SLC6A3: variants seen among roughly 807,000 people sequenced by gnomAD.
The protein encoded by SLC6A3 is solute carrier family 6 member 3.
A neutral mutation model predicts 70.4 loss-of-function variants in SLC6A3; 19 were observed. The ratio of observed to expected loss-of-function variants is 0.27; its 90% CI spans 0.19 to 0.40. The LOEUF (loss-of-function observed/expected upper bound fraction) is 0.40, where lower values mean the gene tolerates loss of function less well. SLC6A3 is among the 10% of genes least tolerant of loss of function. The probability of loss-of-function intolerance (pLI) is 1.00; values close to 1 mark genes in which losing one functional copy is unlikely to be tolerated. For missense variants in SLC6A3, 613 were observed against 838.5 expected (o/e 0.73, Z 3.32); for synonymous variants, 368 against 356.6 (o/e 1.03, Z -0.36).
intron 6 of SLC6A3, among the ~76,000 whole-genome samples, chr5:1,416,912 TG>T (rs1756310765): frequency 6.6e-6 from 1 of 151,778 alleles, no homozygotes; most frequent in Admixed American, 6.6e-5. Context: ...TTCATCCACA[TG>T]CTGCATAATG....
chr5:1,401,216 C>A lies in SLC6A3; in HGVS notation c.1768-230G>T. On this transcript the variant is annotated intron_variant, in intron 13 of 14. Transcript: ENST00000270349. The surrounding 1 kb of genome is among the most constrained non-coding windows in gnomAD (Gnocchi z 6.1). ...GTCAGGCCCGAAGCCAACATCCTGA[C>A]GGTCCCCTTAAAGTCTAGCGCAGAG... 1 of 695,500 alleles carries A rather than the reference C, an allele frequency of 1.4e-6. No homozygotes were observed. Among genetic ancestry groups the A allele is most frequent in the South Asian group, 1.5e-5 (1 of 66,684 alleles). 43.1% of individuals were successfully genotyped at this position (695,500 alleles called of 1,614,324 possible).
intron 6 of SLC6A3, among the ~76,000 whole-genome samples, chr5:1,416,919 T>G (rs1251666397): frequency 6.6e-6 from 1 of 152,156 alleles, no homozygotes; most frequent in East Asian, 1.9e-4. Flanking sequence ...ACATGCTGCA[T>G]AATGGTGGCA....
chr5:1,430,461 G>A (rs1756669618), intron 4 of SLC6A3, among the ~76,000 whole-genome samples: 1 of 152,176 alleles, frequency 6.6e-6, no homozygotes, highest in South Asian at 2.1e-4. Flanking sequence ...AAGCACTTGG[G>A]TTCTGAATAT....
intron 8 of SLC6A3, among the ~76,000 whole-genome samples, chr5:1,414,368 C>G (rs540532680): frequency 1.5e-5 from 2 of 130,270 alleles, no homozygotes; most frequent in African/African-American, 5.5e-5. Flanking sequence ...GTGGAGGCCC[C>G]GAGAGGCACA....
chr5:1,404,594 G>A lies in SLC6A3; in HGVS notation c.1600-1505C>T, dbSNP rs139082160. ...CACAGAGTCATCTGAACGAGACTGG[G>A]GCGTGTACACCCCTTACGACCAGAG... On this transcript the variant is annotated intron_variant, in intron 12 of 14. Transcript: ENST00000270349. The surrounding 1 kb of genome is among the most constrained non-coding windows in gnomAD (Gnocchi z 5.2). 1.9e-4 allele frequency among the ~76,000 whole-genome samples: 29 copies of A among 152,332 alleles called. No individual in the cohort carries two copies. The East Asian group carries it at 5.4e-3, about 28-fold the overall frequency.
At chr5:1,418,392 TATCA>T (rs1216891369) in intron 6 of SLC6A3, among the ~76,000 whole-genome samples, 4 of 152,226 alleles carry the variant, frequency 2.6e-5, no homozygotes, top group South Asian at 2.1e-4. Flanking sequence ...ATCTATTATC[TATCA>T]ATCAATCATC....
rs369951316 is a variant in SLC6A3, at chr5:1,443,227, C to T, written c.-30G>A. On this transcript the variant is annotated 5_prime_UTR_variant, in exon 2 of 15. Transcript: ENST00000270349. ...ACACTGGGAGTTGAGGAATTCTGTG[C>T]TTCTTCCCTCTTGGTCTTCAGCCAA... The T allele has an allele frequency of 1.9e-6, 3 of 1,611,544 alleles. No individual in the cohort carries two copies. In the African/African-American group the frequency reaches 4.0e-5, roughly 22 times the overall value.
Position 1,404,613 on chromosome 5 carries a change from A to G in SLC6A3, c.1600-1524T>C, listed in dbSNP as rs768105289. On this transcript the variant is annotated intron_variant, in intron 12 of 14. Transcript: ENST00000270349. This position sits in a 1 kb window ranked among gnomAD's most constrained non-coding sequence, Gnocchi z 5.2. ...GACTGGGGCGTGTACACCCCTTACG[A>G]CCAGAGGTTAGCACACGCCAGAGGG... 1.3e-5 allele frequency among the ~76,000 whole-genome samples: 2 copies of G among 152,158 alleles called. No individual in the cohort carries two copies. Among genetic ancestry groups the G allele is most frequent in the Non-Finnish European group, 2.9e-5 (2 of 68,030 alleles).
intron 6 of SLC6A3, among the ~76,000 whole-genome samples, chr5:1,419,451 G>C (rs1756385139): frequency 6.6e-6 from 1 of 152,196 alleles, no homozygotes; most frequent in Admixed American, 6.5e-5. Flanking sequence ...ACATGCACTG[G>C]TGTTTGTTTT....
At chr5:1,395,941 G>C (rs921312737) in intron 14 of SLC6A3, among the ~76,000 whole-genome samples, 6 of 152,178 alleles carry the variant, frequency 3.9e-5, no homozygotes, top group Admixed American at 3.3e-4. Flanking sequence ...AGAAACAGAA[G>C]ACAGCAGCCC....
chr5:1,396,364 T>G lies in SLC6A3; in HGVS notation c.1840-1606A>C, dbSNP rs1755719203. On this transcript the variant is annotated intron_variant, in intron 14 of 14. Coordinates refer to ENST00000270349, the MANE Select transcript of SLC6A3 (RefSeq NM_001044.5). The surrounding 1 kb of genome is among the most constrained non-coding windows in gnomAD (Gnocchi z 7.0). ...CACGTGCCGATGACCTTCCAGACCA[T>G]GGACACCAGACCGTAAGGGTCAGTG... 6.6e-6 allele frequency among the ~76,000 whole-genome samples: 1 copy of G among 152,166 alleles called. No individual in the cohort carries two copies. The highest frequency in any genetic ancestry group is 2.4e-5 in the African/African-American group (1 of 41,442).
rs115979692 is a variant in SLC6A3, at chr5:1,440,856, T to C, written c.418+503A>G. 6.9e-3 allele frequency among the ~76,000 whole-genome samples: 1,052 copies of C among 152,270 alleles called. 8 individuals carry two copies. Among genetic ancestry groups the C allele is most frequent in the South Asian group, 0.048 (229 of 4,816 alleles). On this transcript the variant is annotated intron_variant, in intron 3 of 14. Transcript: ENST00000270349. ...TCCAGCCTCCAGAGCTGTGAGACAA[T>C]AAACGTGTGCCTTTTAAGCCTCCCA...
Position 1,438,319 on chromosome 5 carries a change from G to A in SLC6A3, c.418+3040C>T, listed in dbSNP as rs545803738. On this transcript the variant is annotated intron_variant, in intron 3 of 14. Coordinates refer to ENST00000270349, the MANE Select transcript of SLC6A3 (RefSeq NM_001044.5). This position sits in a 1 kb window ranked among gnomAD's most constrained non-coding sequence, Gnocchi z 6.5. ...CTCCTCTGGGACTAGTCTTCAGAAC[G>A]AAGCTGGCGGCATGGAATGCGGGAT... Among the ~76,000 whole-genome samples the A allele has an allele frequency of 1.2e-4, 19 of 152,360 alleles. No individual in the cohort carries two copies. The South Asian group carries it at 1.7e-3, about 13-fold the overall frequency.
rs967138147 is a variant in SLC6A3 at position 1,413,850 on chromosome 5, C to T, written c.1156+841G>A. On this transcript the variant is annotated intron_variant, in intron 8 of 14. Transcript: ENST00000270349. This position sits in a 1 kb window ranked among gnomAD's most constrained non-coding sequence, Gnocchi z 7.1. ...CCACTGCAAGCACCGGAGCCAGGCACGTGGCCCCAAGTGCCTGGGCCCACT... is the reference window on the plus strand; with the variant it reads ...CCACTGCAAGCACCGGAGCCAGGCATGTGGCCCCAAGTGCCTGGGCCCACT... Among the ~76,000 whole-genome samples, 9 of 152,154 alleles carry T rather than the reference C, an allele frequency of 5.9e-5. No individual in the cohort carries two copies. Among genetic ancestry groups the T allele is most frequent in the Middle Eastern group, 3.2e-3 (1 of 316 alleles).
chr5:1,431,753 C>T (rs1756711909), intron 4 of SLC6A3, among the ~76,000 whole-genome samples: 1 of 151,996 alleles, frequency 6.6e-6, no homozygotes, highest in Non-Finnish European at 1.5e-5. Flanking sequence ...GAGGAACTGG[C>T]CTGGCTGGGG....
rs943494978 is a variant in SLC6A3 at position 1,437,952 on chromosome 5, T to C, written c.418+3407A>G. 1.1e-4 allele frequency among the ~76,000 whole-genome samples: 16 copies of C among 152,228 alleles called. No homozygotes were observed. The highest frequency in any genetic ancestry group is 1.9e-4 in the Non-Finnish European group (13 of 68,042). On this transcript the variant is annotated intron_variant, in intron 3 of 14. Transcript: ENST00000270349. This position sits in a 1 kb window ranked among gnomAD's most constrained non-coding sequence, Gnocchi z 4.8. Reference sequence around the variant, plus strand: ...GATTTTTAAAAAGGACAAAGGCACATGTATCAGGGTGCCGGGGGTGCATGG... The same window carrying C: ...GATTTTTAAAAAGGACAAAGGCACACGTATCAGGGTGCCGGGGGTGCATGG...
chr5:1,439,088 A>G (rs921811761), intron 3 of SLC6A3, among the ~76,000 whole-genome samples: 3 of 152,238 alleles, frequency 2.0e-5, no homozygotes, highest in Non-Finnish European at 4.4e-5. Flanking sequence ...GGTTCACTGC[A>G]ACGCCGGATT....
rs919111223 is a variant in SLC6A3, at chr5:1,413,219, C to T, written c.1156+1472G>A. ...TGAAGAAAAGGCATAAATGCGGCAC[C>T]GAGTAAATTTCACTGCTCTGCATTT... On this transcript the variant is annotated intron_variant, in intron 8 of 14. Coordinates refer to ENST00000270349, the MANE Select transcript of SLC6A3 (RefSeq NM_001044.5). This position sits in a 1 kb window ranked among gnomAD's most constrained non-coding sequence, Gnocchi z 7.1. 4.6e-5 allele frequency among the ~76,000 whole-genome samples: 7 copies of T among 152,156 alleles called. No individual in the cohort carries two copies. The highest frequency in any genetic ancestry group is 1.9e-4 in the East Asian group (1 of 5,194).
rs963005585 is a variant in SLC6A3, at chr5:1,436,259, C to G, written c.419-3561G>C. On this transcript the variant is annotated intron_variant, in intron 3 of 14. Coordinates refer to ENST00000270349, the MANE Select transcript of SLC6A3 (RefSeq NM_001044.5). This position sits in a 1 kb window ranked among gnomAD's most constrained non-coding sequence, Gnocchi z 5.2. The stretch of plus-strand genomic sequence containing the variant: ...TTCACCACGAGCTCCTCAAGCTCAC[C>G]GAAGGCCCAGACGCAGGAAACCCAC... Among the ~76,000 whole-genome samples, 3 of 152,252 alleles carry G rather than the reference C, an allele frequency of 2.0e-5. No homozygotes were observed. Among genetic ancestry groups the G allele is most frequent in the Non-Finnish European group, 4.4e-5 (3 of 68,036 alleles).
Sources: gnomAD v4.1 joint callset for allele counts (sites outside exome capture counted in the v4.1 genomes callset) on GRCh38, gnomAD v4.1.1 for gene constraint, Gnocchi (gnomAD v3.1) non-coding constraint, MANE v1.5 for transcripts, NCBI Gene and HGNC (gene_info 2026-07-23, HGNC 2026-07-21) for gene names.